The following CDCP1 variants were observed in gnomAD, a reference collection of about 807,000 sequenced individuals.
CDCP1 encodes CUB domain containing protein 1.
Under a neutral mutation model 60.2 loss-of-function variants are expected in CDCP1, and 29 were observed. That is an observed-to-expected ratio of 0.48 (90% CI 0.36 to 0.66). The LOEUF is 0.66. Among genes scored for constraint, CDCP1 ranks in the 30% least tolerant of loss-of-function variants. The pLI, the probability that CDCP1 is intolerant of heterozygous loss-of-function variation, is 0.00. For synonymous variants in CDCP1, 387 were observed against 431.1 expected, an observed-to-expected ratio of 0.90 and a Z score of 1.27; for missense variants, 876 against 1,074.3, an observed-to-expected ratio of 0.82 and a Z score of 2.58.
chr3:45,126,104 CTCTCTCTTTCTTTCTT>C (rs1445091585), intron 1 of CDCP1, among the ~76,000 whole-genome samples: 1 of 99,158 alleles, frequency 1.0e-5, no homozygotes, highest in Non-Finnish European at 2.3e-5. Context: ...TTCTTTGTCT[CTCTCTCTTTCTTTCTT>C]TCTTTCTTTC....
intron 1 of CDCP1, among the ~76,000 whole-genome samples, chr3:45,142,702 AG>A (rs1364134467): frequency 6.6e-6 from 1 of 152,134 alleles, no homozygotes; most frequent in African/African-American, 2.4e-5. Context: ...ACGCAACTAA[AG>A]CCCTAAGAGC....
intron 1 of CDCP1, among the ~76,000 whole-genome samples, chr3:45,141,695 G>A (rs35935457): frequency 0.2 from 30,481 of 152,188 alleles, 3,252 homozygotes; most frequent in Admixed American, 0.24. Flanking sequence ...GAGGGAAGGA[G>A]CCTGGATCTC....
intron 2 of CDCP1, among the ~76,000 whole-genome samples, chr3:45,116,760 C>T (rs116211803): frequency 0.023 from 3,562 of 152,272 alleles, 137 homozygotes; most frequent in African/African-American, 0.078. Context: ...TCCCCTGTCT[C>T]GGGCATTTTT....
intron 4 of CDCP1, among the ~76,000 whole-genome samples, chr3:45,108,876 TA>T: frequency 1.5e-5 from 1 of 65,830 alleles, no homozygotes; most frequent in African/African-American, 5.8e-5. Flanking sequence ...TATATATATA[TA>T]TGCATGTATA....
intron 2 of CDCP1, among the ~76,000 whole-genome samples, chr3:45,115,994 T>G (rs1698783616): frequency 6.6e-6 from 1 of 152,226 alleles, no homozygotes; most frequent in African/African-American, 2.4e-5. Context: ...ATGTACTTAT[T>G]AAGATAATCT....
At position 45,121,843 on chromosome 3, in the gene CDCP1, TAAAAAG is replaced by T. The variant is rs1211634682; in HGVS notation, c.83-3228_83-3223del. On this transcript the variant is annotated intron_variant, in intron 1 of 8. Coordinates refer to ENST00000296129, the MANE Select transcript of CDCP1 (RefSeq NM_022842.5). ...TTATTTTATGTAAGCTATACCTTAA[TAAAAAG>T]AAAAAGTGTTCAAAAGATCATGTTT... Among the ~76,000 whole-genome samples, 12 of 152,232 alleles carry T rather than the reference TAAAAAG, an allele frequency of 7.9e-5. No homozygotes were observed. In the East Asian group the frequency reaches 1.3e-3, roughly 17 times the overall value.
Position 45,091,272 on chromosome 3 carries a change from G to T in CDCP1, c.1894C>A (p.His632Asn). ...ATGTTGACCCAGAAGCTGTGATGGT[G>T]GAAGCTTGGCTTGGGGAGCACATCC... ...DEDVLPKPSF[H>N]HHSFWVNISN... Residue 632 changes from histidine to asparagine, a missense_variant, in exon 7 of 9, where the codon CAC (histidine) becomes AAC (asparagine). Physicochemically the swap from His to Asn is moderately conservative, Grantham distance 68. Coordinates refer to ENST00000296129, the MANE Select transcript of CDCP1 (RefSeq NM_022842.5). The surrounding 1 kb of genome is among the most constrained non-coding windows in gnomAD (Gnocchi z 4.8). The T allele has an allele frequency of 2.5e-6, 4 of 1,614,054 alleles. No individual in the cohort carries two copies. The highest frequency in any genetic ancestry group is 3.4e-6 in the Non-Finnish European group (4 of 1,180,034).
intron 1 of CDCP1, among the ~76,000 whole-genome samples, chr3:45,123,600 C>T (rs911962023): frequency 7.2e-5 from 11 of 152,150 alleles, no homozygotes; most frequent in African/African-American, 2.4e-4. Flanking sequence ...GATAATGATT[C>T]AACACCTTGT....
intron 1 of CDCP1, among the ~76,000 whole-genome samples, chr3:45,130,938 C>A (rs945850297): frequency 6.6e-6 from 1 of 152,132 alleles, no homozygotes; most frequent in Admixed American, 6.5e-5. Flanking sequence ...ACAATCACAG[C>A]TCACTGCAGC....
Position 45,091,502 on chromosome 3 carries a change from C to T in CDCP1, c.1664G>A (p.Ser555Asn). ...GVFTVTPDTK[S>N]KVYLRTPNWD... ...GTTGGGGGTCCTCAGGTAGACCTTGCTTTTTGTGTCAGGGGTCACCGTGAA... is the reference window on the plus strand; with the variant it reads ...GTTGGGGGTCCTCAGGTAGACCTTGTTTTTTGTGTCAGGGGTCACCGTGAA... The change falls in exon 7 of 9, where the codon AGC becomes AAC. Residue 555 changes from serine to asparagine, a missense_variant. Transcript: ENST00000296129. The surrounding 1 kb of genome is among the most constrained non-coding windows in gnomAD (Gnocchi z 4.8). The T allele has an allele frequency of 6.2e-7, 1 of 1,607,628 alleles. No individual in the cohort carries two copies. Among genetic ancestry groups the T allele is most frequent in the Non-Finnish European group, 8.5e-7 (1 of 1,176,994 alleles).
At chr3:45,106,896 A>C (rs555919471) in intron 4 of CDCP1, among the ~76,000 whole-genome samples, 2 of 152,186 alleles carry the variant, frequency 1.3e-5, no homozygotes, top group Non-Finnish European at 2.9e-5. Context: ...AGTCACCTTG[A>C]GGCCCCTCTC....
At chr3:45,095,231 G>T (rs1223196962) in intron 5 of CDCP1, 116 bp downstream of exon 5, 3 of 925,976 alleles carry the variant, frequency 3.2e-6, no homozygotes, top group African/African-American at 1.6e-5. Context: ...ATCGTGCCCG[G>T]CCAGATGGGC....
At chr3:45,095,668 A>C in intron 4 of CDCP1, 100 bp from the exon 5 acceptor site, 1 of 857,314 alleles carries the variant, frequency 1.2e-6, no homozygotes, top group Non-Finnish European at 1.9e-6. Context: ...AGAAAATGGC[A>C]TATCAGACCA....
intron 1 of CDCP1, among the ~76,000 whole-genome samples, chr3:45,128,464 C>T (rs1489988431): frequency 6.6e-6 from 1 of 152,226 alleles, no homozygotes; most frequent in East Asian, 1.9e-4. Context: ...GGTCCCACCC[C>T]CTCAGTGAGA....
rs1177668267 is a variant in CDCP1, at chr3:45,098,129, C to T, written c.1025-2561G>A. On this transcript the variant is annotated intron_variant, in intron 4 of 8. Transcript: ENST00000296129. ...GCAGTGGTCTCCCCACCCGCTCTTCCCTCATTTCCATCTTACCAAAGCCAT... is the reference window on the plus strand; with the variant it reads ...GCAGTGGTCTCCCCACCCGCTCTTCTCTCATTTCCATCTTACCAAAGCCAT... 3.9e-5 allele frequency among the ~76,000 whole-genome samples: 6 copies of T among 152,178 alleles called. No individual in the cohort carries two copies. In the East Asian group the frequency reaches 1.2e-3, roughly 29 times the overall value.
intron 1 of CDCP1, among the ~76,000 whole-genome samples, chr3:45,138,328 G>A (rs1305998352): frequency 6.6e-6 from 1 of 152,226 alleles, no homozygotes; most frequent in East Asian, 1.9e-4. Context: ...CACTGGGACA[G>A]TAACCAAAGC....
Position 45,110,630 on chromosome 3 carries a change from G to C in CDCP1, c.867C>G (p.Thr289=). ...ERVEYYIPGS[T]TNPEVFKLED... is the part of the protein sequence containing the mutation. Reference sequence around the variant, plus strand: ...CCAGCTTGAACACCTCGGGGTTGGTGGTGGAGCCCGGGATGTAGTATTCAA... The same window carrying C: ...CCAGCTTGAACACCTCGGGGTTGGTCGTGGAGCCCGGGATGTAGTATTCAA... The change falls in exon 4 of 9, where the codon ACC becomes ACG. Residue 289 remains threonine (T), a synonymous_variant. Coordinates refer to ENST00000296129, the MANE Select transcript of CDCP1 (RefSeq NM_022842.5). 1.2e-6 allele frequency: 2 copies of C among 1,614,198 alleles called. No homozygotes were observed. Among genetic ancestry groups the C allele is most frequent in the Non-Finnish European group, 8.5e-7 (1 of 1,180,038 alleles).
chr3:45,133,717 CAAAAAAAA>C lies in CDCP1; in HGVS notation c.82+12481_82+12488del, dbSNP rs1215278385. Among the ~76,000 whole-genome samples, 5 of 50,272 alleles carry C rather than the reference CAAAAAAAA, an allele frequency of 9.9e-5. 2 individuals carry two copies. The highest frequency in any genetic ancestry group is 5.2e-4 in the Admixed American group (2 of 3,848). 33.0% of individuals were successfully genotyped at this position (50,272 alleles called of 152,430 possible). A position where few individuals can be genotyped will look rare whatever the true frequency, so the allele number is the denominator to read the frequency against. On this transcript the variant is annotated intron_variant, in intron 1 of 8. Coordinates refer to ENST00000296129, the MANE Select transcript of CDCP1 (RefSeq NM_022842.5). ...TGGGCGACAGAGCGAGACTCCGTCT[CAAAAAAAA>C]AAAAAAAAAAAAAAAAAGAGGCTAG...
chr3:45,113,367 A>G (rs1409515384), intron 2 of CDCP1, among the ~76,000 whole-genome samples: 1 of 152,238 alleles, frequency 6.6e-6, no homozygotes, highest in African/African-American at 2.4e-5. Context: ...AGCCTTTTAA[A>G]ACAAAGCAAG....
Sources: gnomAD v4.1 joint callset for allele counts (sites outside exome capture counted in the v4.1 genomes callset) on GRCh38, gnomAD v4.1.1 for gene constraint, Gnocchi (gnomAD v3.1) non-coding constraint, MANE v1.5 for transcripts, NCBI Gene and HGNC (gene_info 2026-07-23, HGNC 2026-07-21) for gene names.